GRM8: variants seen among roughly 807,000 people sequenced by gnomAD.
The protein encoded by GRM8 is glutamate metabotropic receptor 8, also known as metabotropic glutamate receptor 8.
A neutral mutation model predicts 87.2 loss-of-function variants in GRM8; 47 were observed. That is an observed-to-expected ratio of 0.54 (90% CI 0.43 to 0.69). The LOEUF (loss-of-function observed/expected upper bound fraction) is 0.69. GRM8 is among the 30% of genes least tolerant of loss of function. GRM8 has a pLI of 0.00. For missense variants in GRM8, 1,019 were observed against 1,139.2 expected, an observed-to-expected ratio of 0.89 and a Z score of 1.52; for synonymous variants, 396 against 404.5, an observed-to-expected ratio of 0.98 and a Z score of 0.25.
chr7:126,596,776 G>A (rs551818037), intron 8 of GRM8, among the ~76,000 whole-genome samples: 23 of 152,178 alleles, frequency 1.5e-4, no homozygotes, highest in Non-Finnish European at 1.8e-4. Context: ...AGGGAGATCT[G>A]AATAAGATTG....
chr7:127,015,066 A>AGAAGAGGAG (rs1454124629), intron 3 of GRM8, among the ~76,000 whole-genome samples: 2 of 104,428 alleles, frequency 1.9e-5, no homozygotes, highest in African/African-American at 6.1e-5. Context: ...AAGAAGAAGA[A>AGAAGAGGAG]GAAAGAAAGA....
At chr7:126,991,514 T>C (rs17867725) in intron 3 of GRM8, among the ~76,000 whole-genome samples, 15,448 of 152,242 alleles carry the variant, frequency 0.1, 1,070 homozygotes, top group Admixed American at 0.17. Flanking sequence ...GAAATAGCTT[T>C]TTTATTAATT....
chr7:126,821,743 G>A (rs911134204), intron 6 of GRM8, among the ~76,000 whole-genome samples: 4 of 152,066 alleles, frequency 2.6e-5, no homozygotes, highest in Admixed American at 2.0e-4. Flanking sequence ...CTAATACATT[G>A]CATAACCATG....
chr7:127,053,808 G>GGGGGGA (rs57669424), intron 3 of GRM8, among the ~76,000 whole-genome samples: 1 of 121,132 alleles, frequency 8.3e-6, no homozygotes, highest in African/African-American at 3.1e-5. Context: ...AGGGGGGGGG[G>GGGGGGA]AATATACATT....
intron 2 of GRM8, among the ~76,000 whole-genome samples, chr7:127,227,349 G>A (rs553204112): frequency 1.3e-5 from 2 of 152,280 alleles, no homozygotes; most frequent in South Asian, 2.1e-4. Context: ...TTTGTTCTTC[G>A]GACATAAATA....
At chr7:126,553,650 A>G (rs1359548827) in intron 8 of GRM8, among the ~76,000 whole-genome samples, 2 of 152,142 alleles carry the variant, frequency 1.3e-5, no homozygotes, top group Admixed American at 1.3e-4. Context: ...ATATATTAAG[A>G]ATATCACATG....
intron 3 of GRM8, among the ~76,000 whole-genome samples, chr7:126,979,731 G>A (rs1811341645): frequency 6.6e-6 from 1 of 152,218 alleles, no homozygotes; most frequent in South Asian, 2.1e-4. Context: ...TTTCCCTGGT[G>A]AAGTAACCTG....
At chr7:126,772,452 C>A (rs909552693) in intron 6 of GRM8, among the ~76,000 whole-genome samples, 1 of 152,042 alleles carries the variant, frequency 6.6e-6, no homozygotes, top group South Asian at 2.1e-4. Flanking sequence ...GATTTCTCAG[C>A]ACCACCCCAG....
intron 1 of GRM8, among the ~76,000 whole-genome samples, chr7:127,250,087 T>C (rs905328458): frequency 2.6e-5 from 4 of 152,250 alleles, no homozygotes; most frequent in African/African-American, 9.6e-5. Context: ...TGTAGTGTGC[T>C]GTACATCGTG....
At chr7:126,485,244 T>C (rs1168065552) in intron 9 of GRM8, among the ~76,000 whole-genome samples, 1 of 150,696 alleles carries the variant, frequency 6.6e-6, no homozygotes, top group African/African-American at 2.5e-5. Context: ...AATGTCATAA[T>C]AATATGGGGT....
At chr7:126,899,323 C>T (rs1313518442) in intron 6 of GRM8, among the ~76,000 whole-genome samples, 2 of 152,194 alleles carry the variant, frequency 1.3e-5, no homozygotes, top group Non-Finnish European at 2.9e-5. Flanking sequence ...TAAACTGCCA[C>T]TTTGTATTTT....
intron 6 of GRM8, among the ~76,000 whole-genome samples, chr7:126,826,773 G>A (rs80058875): frequency 0.61 from 91,755 of 151,600 alleles, 28,305 homozygotes; most frequent in Non-Finnish European, 0.66. Flanking sequence ...TTGGTGTTTT[G>A]GACATGAAGT....
chr7:127,048,218 G>T (rs780615237), intron 3 of GRM8, among the ~76,000 whole-genome samples: 38 of 134,236 alleles, frequency 2.8e-4, no homozygotes, highest in Non-Finnish European at 4.5e-4. Flanking sequence ...CTTTGCAAAG[G>T]TGCCATCTAA....
intron 7 of GRM8, among the ~76,000 whole-genome samples, chr7:126,697,769 A>T (rs570298367): frequency 6.6e-6 from 1 of 152,158 alleles, no homozygotes; most frequent in Non-Finnish European, 1.5e-5. Context: ...ACAAGGGAAG[A>T]ACAAAGAAGC....
chr7:126,824,910 T>C (rs768416919), intron 6 of GRM8, among the ~76,000 whole-genome samples: 17 of 152,320 alleles, frequency 1.1e-4, no homozygotes, highest in Middle Eastern at 3.4e-3. Context: ...TGAATGACCA[T>C]TGGTCATGAA....
intron 6 of GRM8, among the ~76,000 whole-genome samples, chr7:126,855,262 G>A (rs1206119142): frequency 6.6e-6 from 1 of 152,098 alleles, no homozygotes; most frequent in Non-Finnish European, 1.5e-5. Context: ...TTGTGAAGAG[G>A]TGAGTGGATA....
chr7:126,844,625 A>C lies in GRM8; in HGVS notation c.1156+57917T>G, dbSNP rs571970216. 2.6e-5 allele frequency among the ~76,000 whole-genome samples: 4 copies of C among 152,272 alleles called. No homozygotes were observed. The South Asian group carries it at 6.2e-4, about 24-fold the overall frequency. ...ATAGATTGAGTGGCTAAAGAACAGC[A>C]GTGTATTCTCTAACAGTTTTGGAGG... On this transcript the variant is annotated intron_variant, in intron 6 of 10. Transcript: ENST00000339582.
intron 4 of GRM8, 69 bp downstream of exon 4, chr7:126,904,479 T>A (rs746264231): frequency 2.1e-6 from 3 of 1,433,654 alleles, no homozygotes; most frequent in Non-Finnish European, 2.9e-6. Flanking sequence ...ATGTTGAACA[T>A]GAAATATGTT....
Position 127,243,458 on chromosome 7 carries a change from T to C in GRM8, c.-254A>G. 2.0e-6 allele frequency: 1 copy of C among 488,460 alleles called. No individual in the cohort carries two copies. The highest frequency in any genetic ancestry group is 3.6e-6 in the Non-Finnish European group (1 of 277,370). 30.3% of individuals were successfully genotyped at this position (488,460 alleles called of 1,614,324 possible). A position where few individuals can be genotyped will look rare whatever the true frequency, so the allele number is the denominator to read the frequency against. Reference sequence around the variant, plus strand: ...AAAATTAGAACATCTGAGGTTCTGATGTTGGGATGAGGTCAACAATTCATG... The same window carrying C: ...AAAATTAGAACATCTGAGGTTCTGACGTTGGGATGAGGTCAACAATTCATG... On this transcript the variant is annotated 5_prime_UTR_variant, in exon 2 of 11. Transcript: ENST00000339582.
Sources: gnomAD v4.1 joint callset for allele counts (sites outside exome capture counted in the v4.1 genomes callset) on GRCh38, gnomAD v4.1.1 for gene constraint, MANE v1.5 for transcripts, NCBI Gene and HGNC (gene_info 2026-07-23, HGNC 2026-07-21) for gene names.